MMS22L: variants seen among roughly 807,000 people sequenced by gnomAD.
The protein encoded by MMS22L is protein MMS22-like.
In MMS22L, 74 loss-of-function variants were observed where a neutral mutation model predicts 159.1. The ratio of observed to expected loss-of-function variants is 0.47; its 90% confidence interval spans 0.39 to 0.56. The LOEUF is 0.56. MMS22L is among the 20% of genes least tolerant of loss of function. The pLI is 0.00. For missense variants in MMS22L, 1,351 were observed against 1,422.1 expected, an observed-to-expected ratio of 0.95 and a Z score of 0.80; for synonymous variants, 517 against 506.9, an observed-to-expected ratio of 1.02 and a Z score of -0.27.
At chr6:97,150,738 G>A (rs1269183774) in intron 23 of MMS22L, among the ~76,000 whole-genome samples, 2 of 152,096 alleles carry the variant, frequency 1.3e-5, no homozygotes, top group African/African-American at 4.8e-5. Context: ...ATTATGTGAT[G>A]AGAAAAATGG....
intron 9 of MMS22L, among the ~76,000 whole-genome samples, chr6:97,256,500 C>T (rs1275863480): frequency 1.3e-5 from 2 of 152,198 alleles, no homozygotes; most frequent in Non-Finnish European, 2.9e-5. Context: ...TTCAATTTTG[C>T]TTCAATGAAA....
intron 7 of MMS22L, among the ~76,000 whole-genome samples, chr6:97,268,780 A>G (rs1300280652): frequency 6.6e-6 from 1 of 152,164 alleles, no homozygotes; most frequent in African/African-American, 2.4e-5. Context: ...CTCTAAGAAT[A>G]TATTAATGTG....
In MMS22L at chr6:97,229,230, GCTCT is replaced by G; in HGVS notation, c.1699_1702del (p.Arg567ProfsTer12). 5 of 1,614,024 alleles carry G rather than the reference GCTCT, an allele frequency of 3.1e-6. No homozygotes were observed. Among genetic ancestry groups the G allele is most frequent in the Non-Finnish European group, 3.4e-6 (4 of 1,179,974 alleles). On this transcript the variant is annotated frameshift_variant, in exon 14 of 25. Coordinates refer to ENST00000683635, the MANE Select transcript of MMS22L (RefSeq NM_001350599.2). LOFTEE classifies it high-confidence loss of function. Reference sequence around the variant, plus strand: ...GGCCATGTGACCCTTCCAAATGAGGGCTCTCTGAGACGTTACAAAAGCAGGCTTG... The same window carrying G: ...GGCCATGTGACCCTTCCAAATGAGGGCTGAGACGTTACAAAAGCAGGCTTG...
chr6:97,238,591 G>GTGTGTGTGTGTT (rs1554272931), intron 11 of MMS22L, among the ~76,000 whole-genome samples: 8 of 149,482 alleles, frequency 5.4e-5, no homozygotes, highest in African/African-American at 1.7e-4. Flanking sequence ...GTGTGTGTGT[G>GTGTGTGTGTGTT]TGTGTGTGTG....
intron 14 of MMS22L, among the ~76,000 whole-genome samples, chr6:97,191,200 G>C (rs75874526): frequency 1.3e-5 from 2 of 152,100 alleles, no homozygotes; most frequent in Non-Finnish European, 2.9e-5. Flanking sequence ...TATCATATGA[G>C]ACGCATGGAA....
chr6:97,142,938 T>G lies in MMS22L; in HGVS notation c.*3868A>C, dbSNP rs1429138485. 2 of 152,468 alleles carry G rather than the reference T, an allele frequency of 1.3e-5. No homozygotes were observed. The highest frequency in any genetic ancestry group is 2.9e-5 in the Non-Finnish European group (2 of 67,986). The allele number at this position is 152,468 out of a possible 1,614,324, so 9.4% of individuals were successfully genotyped here. ...CTGAGGTAGAAAAAGTCAAATATGC[T>G]TAAGAAGAAAACATACGAAGGATAG... On this transcript the variant is annotated 3_prime_UTR_variant, in exon 25 of 25. Transcript: ENST00000683635.
intron 14 of MMS22L, among the ~76,000 whole-genome samples, chr6:97,187,229 G>A (rs1805343168): frequency 6.6e-6 from 1 of 152,044 alleles, no homozygotes; most frequent in Admixed American, 6.6e-5. Flanking sequence ...TTCTCACTTG[G>A]TAGGCAATAA....
intron 22 of MMS22L, among the ~76,000 whole-genome samples, chr6:97,156,101 G>A (rs1043640474): frequency 2.6e-5 from 4 of 152,004 alleles, no homozygotes; most frequent in Admixed American, 6.6e-5. Flanking sequence ...GCATTTTTTC[G>A]TAAGTTTTTT....
At chr6:97,204,409 A>G (rs1807528012) in intron 14 of MMS22L, among the ~76,000 whole-genome samples, 1 of 152,244 alleles carries the variant, frequency 6.6e-6, no homozygotes, top group African/African-American at 2.4e-5. Flanking sequence ...GGTATTAGGC[A>G]TGACATCACA....
intron 14 of MMS22L, among the ~76,000 whole-genome samples, chr6:97,225,631 G>A (rs183457121): frequency 6.6e-6 from 1 of 151,246 alleles, no homozygotes; most frequent in African/African-American, 2.5e-5. Flanking sequence ...GGAGTGCAGT[G>A]GCACGATCTC....
intron 18 of MMS22L, 115 bp downstream of exon 18, chr6:97,178,328 A>T: frequency 1.3e-6 from 1 of 776,030 alleles, no homozygotes; most frequent in Non-Finnish European, 2.0e-6. Context: ...GGCAATCAAT[A>T]ATATGATTCA....
intron 7 of MMS22L, 77 bp downstream of exon 7, chr6:97,269,825 C>T: frequency 9.7e-7 from 1 of 1,036,078 alleles, no homozygotes; most frequent in East Asian, 2.6e-5. Flanking sequence ...TCAGAAAGCA[C>T]TTATTACTTA....
chr6:97,253,879 T>C (rs1028533835), intron 10 of MMS22L: 18 of 152,232 alleles, frequency 1.2e-4, no homozygotes, highest in African/African-American at 4.1e-4. Flanking sequence ...TCTAGATGCT[T>C]ATTTTATGGA....
intron 14 of MMS22L, among the ~76,000 whole-genome samples, chr6:97,187,561 A>C (rs977532668): frequency 5.9e-5 from 9 of 152,180 alleles, no homozygotes; most frequent in Non-Finnish European, 1.3e-4. Flanking sequence ...AAATGCATGG[A>C]TACATTTACA....
intron 21 of MMS22L, among the ~76,000 whole-genome samples, chr6:97,163,390 A>C (rs1442503556): frequency 6.6e-6 from 1 of 152,018 alleles, no homozygotes; most frequent in Non-Finnish European, 1.5e-5. Context: ...GGAATAGAGA[A>C]GCATGGCATG....
chr6:97,185,407 GCTTT>G (rs1296190170), intron 15 of MMS22L, among the ~76,000 whole-genome samples: 1 of 152,042 alleles, frequency 6.6e-6, no homozygotes, highest in Non-Finnish European at 1.5e-5. Flanking sequence ...CACATATTTT[GCTTT>G]CTATTTATAT....
chr6:97,229,808 A>C (rs1810661577), intron 13 of MMS22L, among the ~76,000 whole-genome samples: 1 of 152,180 alleles, frequency 6.6e-6, no homozygotes, highest in South Asian at 2.1e-4. Context: ...AATTTTATGT[A>C]ACAATTTTCC....
intron 11 of MMS22L, 90 bp downstream of exon 11, chr6:97,246,538 T>C (rs1812660805): frequency 1.0e-6 from 1 of 974,050 alleles, no homozygotes; most frequent in African/African-American, 1.7e-5. Flanking sequence ...GTTTTCTGAA[T>C]CATTTTAACA....
chr6:97,272,920 T>C lies in MMS22L; in HGVS notation c.429-39A>G, dbSNP rs376492285. On this transcript the variant is annotated intron_variant, in intron 5 of 24. Transcript: ENST00000683635. ...AGATAAAATAAACAACTAGAGTCTG[T>C]GTGAATACACACAGAAATTCATGCA... is the stretch of plus-strand genomic sequence containing the variant. The C allele has an allele frequency of 1.9e-6, 3 of 1,607,224 alleles. No individual in the cohort carries two copies. In the African/African-American group the frequency reaches 4.0e-5, roughly 22 times the overall value.
Sources: gnomAD v4.1 joint callset for allele counts (sites outside exome capture counted in the v4.1 genomes callset) on GRCh38, gnomAD v4.1.1 for gene constraint, MANE v1.5 for transcripts, NCBI Gene and HGNC (gene_info 2026-07-23, HGNC 2026-07-21) for gene names.